Variants in NTRK1 observed in about 807,000 individuals in gnomAD.
NTRK1 encodes the protein high affinity nerve growth factor receptor.
Under a neutral mutation model 86.8 loss-of-function variants are expected in NTRK1, and 62 were observed. The observed-to-expected ratio is 0.71, with a 90% CI of 0.58 to 0.88. The LOEUF (loss-of-function observed/expected upper bound fraction) is 0.88, where lower values mean the gene tolerates loss of function less well. Among genes scored for constraint, NTRK1 ranks in the 40% least tolerant of loss-of-function variants. NTRK1 has a pLI of 0.00. For synonymous variants in NTRK1, 469 were observed against 456.6 expected, an observed-to-expected ratio of 1.03 and a Z score of -0.35; for missense variants, 967 against 1,078.4, an observed-to-expected ratio of 0.90 and a Z score of 1.45.
In NTRK1 at chr1:156,868,095, G is replaced by A. The variant is rs777240998; in HGVS notation, c.429-9G>A. 5 of 1,613,546 alleles carry A rather than the reference G, an allele frequency of 3.1e-6. No individual in the cohort carries two copies. The South Asian group carries it at 4.4e-5, about 14-fold the overall frequency. On this transcript the variant is annotated splice_polypyrimidine_tract_variant and intron_variant, in intron 4 of 16. Coordinates refer to ENST00000524377, the MANE Select transcript of NTRK1 (RefSeq NM_002529.4). ...CCTTGACTCTGTTGGTGTCCCCCAT[G>A]CCCCCCAGGGTCCTGTCGGGGAACC...
intron 7 of NTRK1, among the ~76,000 whole-genome samples, chr1:156,873,163 C>T (rs1383720596): frequency 1.3e-5 from 2 of 151,982 alleles, no homozygotes; most frequent in Admixed American, 6.6e-5. Flanking sequence ...CCTCCCACCT[C>T]AGCCCCCTGA....
At chr1:156,870,595 ACT>A (rs1288127600) in intron 6 of NTRK1, among the ~76,000 whole-genome samples, 1 of 152,080 alleles carries the variant, frequency 6.6e-6, no homozygotes, top group Non-Finnish European at 1.5e-5. Context: ...AAGGCTGGAA[ACT>A]CTACTGGAAC....
intron 1 of NTRK1, among the ~76,000 whole-genome samples, chr1:156,817,448 A>C (rs927939470): frequency 6.6e-6 from 1 of 151,560 alleles, no homozygotes; most frequent in Non-Finnish European, 1.5e-5. Context: ...TAATAGTAAT[A>C]ATAATAAAGA....
chr1:156,845,501 A>C, intron 2 of NTRK1: 1 of 1,496,250 alleles, frequency 6.7e-7, no homozygotes, highest in Non-Finnish European at 8.9e-7. Flanking sequence ...AAGCACCCAC[A>C]ACCCGGGACC....
intron 1 of NTRK1, among the ~76,000 whole-genome samples, chr1:156,863,660 TTGTGTGTGTGTGTGTGTGTGTATGTC>T (rs1655787830): frequency 6.7e-6 from 1 of 149,370 alleles, no homozygotes; most frequent in South Asian, 2.1e-4. Flanking sequence ...GCAGAGATGT[TTGTGTGTGTGTGTGTGTGTGTATGTC>T]TGTGTGTGTG....
chr1:156,867,898 C>A (rs1404955352), intron 4 of NTRK1, among the ~76,000 whole-genome samples: 1 of 147,668 alleles, frequency 6.8e-6, no homozygotes, highest in Non-Finnish European at 1.5e-5. Context: ...TGGTCTCGAT[C>A]TTCTGACCTT....
At chr1:156,842,333 T>C (rs944775599) in intron 2 of NTRK1, 2 of 1,613,070 alleles carry the variant, frequency 1.2e-6, no homozygotes, top group South Asian at 1.1e-5. Context: ...TGTCCAGAAC[T>C]GGCCCCCACC....
At chr1:156,841,151 C>G (rs1323040440) in intron 1 of NTRK1, 2 of 1,418,090 alleles carry the variant, frequency 1.4e-6, no homozygotes, top group East Asian at 2.5e-5. Context: ...GAGCCCCTGC[C>G]ACGCTCTCAG....
chr1:156,880,972 T>G (rs1648225484), intron 16 of NTRK1, among the ~76,000 whole-genome samples: 1 of 152,124 alleles, frequency 6.6e-6, no homozygotes, highest in African/African-American at 2.4e-5. Context: ...TCCCACAGAG[T>G]GGTATCCCTA....
At chr1:156,848,309 G>T (rs1039259567) in intron 2 of NTRK1, among the ~76,000 whole-genome samples, 6 of 152,204 alleles carry the variant, frequency 3.9e-5, no homozygotes, top group African/African-American at 1.4e-4. Context: ...ATCTACCAGA[G>T]AGAGAGAGCA....
At chr1:156,863,412 GTCTC>G (rs150031107) in intron 1 of NTRK1, among the ~76,000 whole-genome samples, 15 of 149,406 alleles carry the variant, frequency 1.0e-4, no homozygotes, top group Non-Finnish European at 2.1e-4. Flanking sequence ...CCATCTTTCT[GTCTC>G]TCTCTCTCTC....
rs145816660 is a variant in NTRK1 at position 156,871,544 on chromosome 1, G to A, written c.718-79G>A. The A allele has an allele frequency of 1.3e-3, 1,939 of 1,532,038 alleles. 15 individuals are homozygous for A. In the African/African-American group the frequency reaches 0.023, roughly 18 times the overall value. 94.9% of individuals were successfully genotyped at this position (1,532,038 alleles called of 1,614,324 possible). A position where few individuals can be genotyped will look rare whatever the true frequency, so the allele number is the denominator to read the frequency against. ...CCTCTCCTTTCCATCTGGAGCCAGA[G>A]GGGCTCTCCAAAGACTTCAGCCCCA... On this transcript the variant is annotated intron_variant, in intron 6 of 16. Coordinates refer to ENST00000524377, the MANE Select transcript of NTRK1 (RefSeq NM_002529.4).
chr1:156,830,423 A>T (rs1050876693), intron 1 of NTRK1, among the ~76,000 whole-genome samples: 1 of 152,092 alleles, frequency 6.6e-6, no homozygotes, highest in Non-Finnish European at 1.5e-5. Flanking sequence ...CTCTCTTATT[A>T]TATCTTCACC....
chr1:156,848,809 G>A, intron 2 of NTRK1: 1 of 1,338,762 alleles, frequency 7.5e-7, no homozygotes, highest in South Asian at 1.5e-5. Flanking sequence ...GCGGGTCCTG[G>A]CTTCCTGGGT....
intron 2 of NTRK1, chr1:156,843,474 C>A (rs1267389531): frequency 1.2e-6 from 2 of 1,614,094 alleles, no homozygotes; most frequent in African/African-American, 2.7e-5. Context: ...ATACAGGGTT[C>A]TGTTTCTGCA....
Position 156,854,275 on chromosome 1 carries a change from C to T in NTRK1, c.51-10079C>T. 1.2e-6 allele frequency: 2 copies of T among 1,612,816 alleles called. No homozygotes were observed. The highest frequency in any genetic ancestry group is 1.7e-6 in the Non-Finnish European group (2 of 1,179,616). On this transcript the variant is annotated intron_variant, in intron 2 of 16. Transcript: ENST00000392302. This position sits in a 1 kb window ranked among gnomAD's most constrained non-coding sequence, Gnocchi z 4.2. ...TCTCCAGCTGACGAAGCTCTGCCAC[C>T]TCTGAGCGAATATCCAGGCTGGGGC... is the stretch of plus-strand genomic sequence containing the variant.
At chr1:156,844,753 T>C (rs1422921516) in intron 2 of NTRK1, 2 of 1,614,020 alleles carry the variant, frequency 1.2e-6, no homozygotes, top group Admixed American at 1.7e-5. Context: ...GATGAGTCCG[T>C]TGGGGTCTGG....
At chr1:156,841,405 A>T in intron 1 of NTRK1, 1 of 1,613,464 alleles carries the variant, frequency 6.2e-7, no homozygotes, top group Non-Finnish European at 8.5e-7. Flanking sequence ...GCTGAAGGGG[A>T]CAGCCCTCCA....
intron 16 of NTRK1, chr1:156,880,645 C>G (rs1571704643): frequency 1.3e-5 from 2 of 159,872 alleles, no homozygotes; most frequent in African/African-American, 4.8e-5. Context: ...CTGCCCCCAC[C>G]CCCTGCTTGG....
Sources: allele counts gnomAD v4.1 joint callset (sites outside exome capture counted in the v4.1 genomes callset), GRCh38; gene constraint gnomAD v4.1.1; non-coding constraint Gnocchi (gnomAD v3.1); transcripts MANE v1.5; gene names NCBI Gene and HGNC (gene_info 2026-07-23, HGNC 2026-07-21).